The following ARHGAP22 variants were observed in gnomAD, a reference collection of about 807,000 sequenced individuals.
ARHGAP22 encodes rho GTPase-activating protein 22.
ARHGAP22 carries 48 observed loss-of-function variants against 59.1 expected under a neutral mutation model. The ratio of observed to expected loss-of-function variants is 0.81; its 90% CI spans 0.64 to 1.03. The LOEUF (loss-of-function observed/expected upper bound fraction) is 1.03. Among genes scored for constraint, ARHGAP22 ranks in the 50% least tolerant of loss-of-function variants. ARHGAP22 has a pLI of 0.00. For synonymous variants in ARHGAP22, 445 were observed against 416.4 expected, an observed-to-expected ratio of 1.07 and a Z score of -0.84; for missense variants, 1,015 against 958.7, an observed-to-expected ratio of 1.06 and a Z score of -0.78.
At chr10:48,439,664 T>C in the ARHGAP22 span, among the ~76,000 whole-genome samples, 1 of 152,096 alleles carries the variant, frequency 6.6e-6, no homozygotes. Context: ...TTGGCAAAAA[T>C]AAGTACTTAA....
intron 2 of ARHGAP22, among the ~76,000 whole-genome samples, chr10:48,574,418 C>T (rs2058584809): frequency 6.6e-6 from 1 of 152,174 alleles, no homozygotes; most frequent in African/African-American, 2.4e-5. Context: ...TTATAAATAA[C>T]AACAGCAATA....
chr10:48,649,967 A>C (rs2136210010), intron 1 of ARHGAP22, among the ~76,000 whole-genome samples: 1 of 143,826 alleles, frequency 7.0e-6, no homozygotes, highest in African/African-American at 2.5e-5. Flanking sequence ...AATAATCTCC[A>C]TTAGCTGAGA....
intron 1 of ARHGAP22, among the ~76,000 whole-genome samples, chr10:48,627,136 T>C (rs377269219): frequency 7.2e-5 from 11 of 152,222 alleles, no homozygotes; most frequent in African/African-American, 2.4e-4. Context: ...CCCCTCCCTC[T>C]TCCCTGGCCC....
At chr10:48,538,417 TCCTAA>T (rs1293248023) in intron 3 of ARHGAP22, among the ~76,000 whole-genome samples, 1 of 152,158 alleles carries the variant, frequency 6.6e-6, no homozygotes, top group Non-Finnish European at 1.5e-5. Flanking sequence ...TTCCCTTCTT[TCCTAA>T]CCTTGGCCTC....
chr10:48,527,629 C>T (rs1162325630), intron 3 of ARHGAP22, among the ~76,000 whole-genome samples: 1 of 152,110 alleles, frequency 6.6e-6, no homozygotes, highest in Non-Finnish European at 1.5e-5. Context: ...GGGTAGTTTT[C>T]CCTAGTTAGG....
chr10:48,592,628 T>G (rs2059829644), intron 1 of ARHGAP22, among the ~76,000 whole-genome samples: 2 of 152,154 alleles, frequency 1.3e-5, no homozygotes, highest in African/African-American at 4.8e-5. Flanking sequence ...TCTGTCTATA[T>G]CTCTGCCTCA....
intron 4 of ARHGAP22, among the ~76,000 whole-genome samples, chr10:48,475,825 C>T (rs2048667228): frequency 6.6e-6 from 1 of 152,180 alleles, no homozygotes; most frequent in Admixed American, 6.5e-5. Flanking sequence ...CTTCTCTATT[C>T]CATGCCATGA....
At chr10:48,437,342 G>C in the ARHGAP22 span, 1 of 151,958 alleles carries the variant, frequency 6.6e-6, no homozygotes, top group East Asian at 1.9e-4. Flanking sequence ...AATCCTTTAA[G>C]CATCTTAAAC....
At chr10:48,434,913 CCAT>C in the ARHGAP22 span, 28 of 1,613,566 alleles carry the variant, frequency 1.7e-5, no homozygotes, top group African/African-American at 5.3e-5. Context: ...CTCTCAGCAT[CCAT>C]CATCATCGTC....
upstream of ARHGAP22, among the ~76,000 whole-genome samples, chr10:48,606,640 G>A (rs1385977610): frequency 2.0e-5 from 3 of 152,296 alleles, no homozygotes; most frequent in Admixed American, 6.5e-5. Context: ...GTGTGTTCCT[G>A]TTCTTGCATG....
chr10:48,626,375 AC>A (rs1460242900), intron 1 of ARHGAP22, among the ~76,000 whole-genome samples: 1 of 152,126 alleles, frequency 6.6e-6, no homozygotes, highest in Non-Finnish European at 1.5e-5. Flanking sequence ...AAGGACATCT[AC>A]CCCTCAGTGT....
intron 3 of ARHGAP22, among the ~76,000 whole-genome samples, chr10:48,554,872 A>AG (rs1481778298): frequency 1.3e-5 from 2 of 152,092 alleles, no homozygotes; most frequent in Non-Finnish European, 2.9e-5. Flanking sequence ...CTCTGCTTCT[A>AG]GGGGAGGCCA....
At chr10:48,579,216 C>G (rs2058959253) in intron 2 of ARHGAP22, among the ~76,000 whole-genome samples, 1 of 151,836 alleles carries the variant, frequency 6.6e-6, no homozygotes, top group African/African-American at 2.4e-5. Flanking sequence ...CTATTTTGTT[C>G]CATTTCAATT....
intron 4 of ARHGAP22, among the ~76,000 whole-genome samples, chr10:48,461,330 G>A (rs1378684543): frequency 6.6e-6 from 1 of 152,158 alleles, no homozygotes; most frequent in African/African-American, 2.4e-5. Context: ...GGGCTCAAAG[G>A]CTTCTGGGGT....
At chr10:48,514,181 C>T (rs10857587) in intron 3 of ARHGAP22, among the ~76,000 whole-genome samples, 79,754 of 151,582 alleles carry the variant, frequency 0.53, 23,829 homozygotes, top group Middle Eastern at 0.75. Flanking sequence ...CCATAAAGTG[C>T]ACCAAAATAC....
the ARHGAP22 span, among the ~76,000 whole-genome samples, chr10:48,432,938 G>C: frequency 2.6e-3 from 398 of 152,298 alleles, 3 homozygotes; most frequent in Non-Finnish European, 4.6e-3. Context: ...AGAAGGAGTA[G>C]TGTTTGGTAA....
chr10:48,580,313 T>C (rs877643), intron 2 of ARHGAP22, among the ~76,000 whole-genome samples: 61,711 of 151,126 alleles, frequency 0.41, 13,401 homozygotes, highest in Non-Finnish European at 0.49. Context: ...GGGAGAGGAG[T>C]GTCTGGCTCA....
chr10:48,568,519 G>A (rs576965207), intron 2 of ARHGAP22, among the ~76,000 whole-genome samples: 11 of 152,378 alleles, frequency 7.2e-5, no homozygotes, highest in African/African-American at 2.2e-4. Flanking sequence ...AGACACTGCA[G>A]TTGAGACAGG....
At chr10:48,443,159 C>G (rs1025868820), downstream of ARHGAP22, among the ~76,000 whole-genome samples, 16 of 152,174 alleles carry the variant, frequency 1.1e-4, no homozygotes, top group Admixed American at 3.3e-4. Context: ...TCCTATGAAC[C>G]TGCCTGCAGC....
Sources: gnomAD v4.1 joint callset for allele counts (sites outside exome capture counted in the v4.1 genomes callset) on GRCh38, gnomAD v4.1.1 for gene constraint, MANE v1.5 for transcripts, NCBI Gene and HGNC (gene_info 2026-07-23, HGNC 2026-07-21) for gene names.